Variants in PDE8B observed in about 807,000 individuals in gnomAD.
The protein encoded by PDE8B is phosphodiesterase 8B.
In PDE8B, 26 loss-of-function variants were observed where a neutral mutation model predicts 101.3. The ratio of observed to expected loss-of-function variants is 0.26; its 90% confidence interval spans 0.19 to 0.36. The LOEUF is 0.36. PDE8B is among the 10% of genes least tolerant of loss of function. PDE8B has a pLI of 1.00. For synonymous variants in PDE8B, 424 were observed against 429.3 expected (o/e 0.99, Z 0.15); for missense variants, 810 against 1,163.1 (o/e 0.70, Z 4.42).
chr5:77,101,080 C>G, the PDE8B span, among the ~76,000 whole-genome samples: 3 of 149,780 alleles, frequency 2.0e-5, no homozygotes, highest in Non-Finnish European at 4.4e-5. Context: ...AGTGATCTTC[C>G]TGCCTCAGCC....
intron 1 of PDE8B, among the ~76,000 whole-genome samples, chr5:77,298,651 G>C (rs1298652243): frequency 6.6e-6 from 1 of 152,180 alleles, no homozygotes; most frequent in Non-Finnish European, 1.5e-5. Context: ...CCCGCCATTT[G>C]GTTCACCAGA....
At chr5:77,118,248 A>G in the PDE8B span, 1 of 396,110 alleles carries the variant, frequency 2.5e-6, no homozygotes, top group East Asian at 3.6e-5. Context: ...CGCCTAGCCT[A>G]AGGTTTTGGT....
chr5:77,251,265 T>C (rs1758003629), intron 1 of PDE8B, among the ~76,000 whole-genome samples: 1 of 152,252 alleles, frequency 6.6e-6, no homozygotes, highest in South Asian at 2.1e-4. Context: ...TGTATTTTTT[T>C]CTCTGGCTGT....
chr5:77,282,360 G>T (rs1195803807), intron 1 of PDE8B, among the ~76,000 whole-genome samples: 1 of 152,060 alleles, frequency 6.6e-6, no homozygotes, highest in Non-Finnish European at 1.5e-5. Context: ...AGGACTGTGT[G>T]AATAACCCTG....
chr5:77,388,679 C>T (rs335617), intron 10 of PDE8B, among the ~76,000 whole-genome samples: 31,346 of 152,230 alleles, frequency 0.21, 4,018 homozygotes, highest in Non-Finnish European at 0.3. Context: ...ACAGCTGCCC[C>T]TTCCCCAACA....
rs907117055 is a variant in PDE8B, at chr5:77,229,604, C to T, written c.339+18340C>T. ...CAGTCAGTTCCAATCCCCACCCCTCCGCACTCCTACCCCTGGCAACCATTA... is the reference window on the plus strand; with the variant it reads ...CAGTCAGTTCCAATCCCCACCCCTCTGCACTCCTACCCCTGGCAACCATTA... On this transcript the variant is annotated intron_variant, in intron 1 of 21. Coordinates refer to ENST00000264917, the MANE Select transcript of PDE8B (RefSeq NM_003719.5). Among the ~76,000 whole-genome samples, 4 of 152,128 alleles carry T rather than the reference C, an allele frequency of 2.6e-5. 1 individual carries two copies. The highest frequency in any genetic ancestry group is 1.3e-4 in the Admixed American group (2 of 15,292).
intron 2 of PDE8B, among the ~76,000 whole-genome samples, chr5:77,319,060 C>T (rs2150179157): frequency 6.6e-6 from 1 of 152,268 alleles, no homozygotes; most frequent in African/African-American, 2.4e-5. Context: ...TTGCTATCCT[C>T]AAAAAGATAT....
intron 13 of PDE8B, among the ~76,000 whole-genome samples, chr5:77,407,812 C>T (rs534882766): frequency 3.9e-5 from 6 of 152,206 alleles, no homozygotes; most frequent in East Asian, 1.9e-4. Flanking sequence ...AAAAGCATTG[C>T]AATGGGCGAA....
chr5:77,389,565 T>C lies in PDE8B; in HGVS notation c.1168-10683T>C, dbSNP rs899934559. 2.0e-5 allele frequency among the ~76,000 whole-genome samples: 3 copies of C among 152,176 alleles called. 1 individual carries two copies. The highest frequency in any genetic ancestry group is 2.9e-5 in the Non-Finnish European group (2 of 68,042). The stretch of plus-strand genomic sequence containing the variant: ...CCTTGAGTTTTGACAAAGCATATAA[T>C]ACTGGAACCTTATCCCCATCACGAT... On this transcript the variant is annotated intron_variant, in intron 10 of 21. Transcript: ENST00000264917.
At chr5:77,418,144 G>A (rs1193259445) in intron 17 of PDE8B, 85 bp from the exon 18 acceptor site, 1 of 910,724 alleles carries the variant, frequency 1.1e-6, no homozygotes. Flanking sequence ...CAAATCCCCT[G>A]ACCCGACCCT....
At position 77,350,481 on chromosome 5, in the gene PDE8B, C is replaced by T. The variant is rs186392439; in HGVS notation, c.1018-584C>T. ...GAATCTCAGTTTCTGATTAGCCAAACCTCCCATGTTCAGAGAACAGGAACC... is the reference window on the plus strand; with the variant it reads ...GAATCTCAGTTTCTGATTAGCCAAATCTCCCATGTTCAGAGAACAGGAACC... On this transcript the variant is annotated intron_variant, in intron 8 of 21. Coordinates refer to ENST00000264917, the MANE Select transcript of PDE8B (RefSeq NM_003719.5). Among the ~76,000 whole-genome samples the T allele has an allele frequency of 4.5e-4, 68 of 152,122 alleles. 1 individual carries two copies. Among genetic ancestry groups the T allele is most frequent in the Non-Finnish European group, 8.4e-4 (57 of 67,998 alleles).
At chr5:77,183,990 CAG>C in the PDE8B span, among the ~76,000 whole-genome samples, 7 of 146,042 alleles carry the variant, frequency 4.8e-5, no homozygotes, top group Non-Finnish European at 1.0e-4. Context: ...TAAAAAAAAA[CAG>C]AATCTCCCTC....
At chr5:77,220,564 ATTGGGGAAAGAC>A (rs1410103600) in intron 1 of PDE8B, among the ~76,000 whole-genome samples, 1 of 152,252 alleles carries the variant, frequency 6.6e-6, no homozygotes, top group Non-Finnish European at 1.5e-5. Context: ...CCTAGTTGTT[ATTGGGGAAAGAC>A]TTTCATATAG....
At position 77,321,979 on chromosome 5, in the gene PDE8B, C is replaced by T. The variant is rs1452081207; in HGVS notation, c.400-3560C>T. Among the ~76,000 whole-genome samples the T allele has an allele frequency of 2.6e-5, 4 of 152,140 alleles. No individual in the cohort carries two copies. The East Asian group carries it at 5.8e-4, about 22-fold the overall frequency. On this transcript the variant is annotated intron_variant, in intron 2 of 21. Coordinates refer to ENST00000264917, the MANE Select transcript of PDE8B (RefSeq NM_003719.5). ...CACCCAGGGCCACACTGGGAAGCAC[C>T]GCAGTCAGTCAGGAGGCACAGGGAG...
At position 77,211,932 on chromosome 5, in the gene PDE8B, G is replaced by C. The variant is rs993820133; in HGVS notation, c.339+668G>C. 1.3e-5 allele frequency among the ~76,000 whole-genome samples: 2 copies of C among 152,162 alleles called. No individual in the cohort carries two copies. The highest frequency in any genetic ancestry group is 2.9e-5 in the Non-Finnish European group (2 of 68,022). The stretch of plus-strand genomic sequence containing the variant: ...AGTTCGGAGTGTCAGCAGAGCCACC[G>C]TGAGGGGACGTGGTTTCCAGTGCAG... On this transcript the variant is annotated intron_variant, in intron 1 of 21. Coordinates refer to ENST00000264917, the MANE Select transcript of PDE8B (RefSeq NM_003719.5). This position sits in a 1 kb window ranked among gnomAD's most constrained non-coding sequence, Gnocchi z 4.1.
chr5:77,346,495 A>G (rs935605218), intron 7 of PDE8B, among the ~76,000 whole-genome samples: 3 of 152,214 alleles, frequency 2.0e-5, no homozygotes, highest in African/African-American at 7.2e-5. Flanking sequence ...CAACTTCTAG[A>G]ATAGGGAACA....
chr5:77,249,495 T>G (rs1445291887), intron 1 of PDE8B, among the ~76,000 whole-genome samples: 1 of 152,234 alleles, frequency 6.6e-6, no homozygotes, highest in Non-Finnish European at 1.5e-5. Context: ...CTTTCATGGC[T>G]GTATCTACCA....
the PDE8B span, among the ~76,000 whole-genome samples, chr5:77,180,967 C>CGTGTGTGTGTGTGTGTGTGTGT: frequency 1.5e-4 from 22 of 147,534 alleles, no homozygotes; most frequent in African/African-American, 5.3e-4. Flanking sequence ...GGTGTGTACA[C>CGTGTGTGTGTGTGTGTGTGTGT]GTGTGTGTGT....
At chr5:77,302,460 T>C (rs976037441) in intron 1 of PDE8B, among the ~76,000 whole-genome samples, 12 of 152,146 alleles carry the variant, frequency 7.9e-5, no homozygotes, top group African/African-American at 2.9e-4. Flanking sequence ...TTGACGGTAC[T>C]GCCTCCTTCT....
Sources: allele counts gnomAD v4.1 joint callset (sites outside exome capture counted in the v4.1 genomes callset), GRCh38; gene constraint gnomAD v4.1.1; non-coding constraint Gnocchi (gnomAD v3.1); transcripts MANE v1.5; gene names NCBI Gene and HGNC (gene_info 2026-07-23, HGNC 2026-07-21).